The following CHSY1 variants were observed in gnomAD, a reference collection of about 807,000 sequenced individuals.
CHSY1 encodes the protein N-acetylgalactosaminyl-proteoglycan 3-beta-glucuronosyltransferase 1.
CHSY1 carries 13 observed loss-of-function variants against 59.8 expected under a neutral mutation model. The observed-to-expected ratio is 0.22, with a 90% CI of 0.14 to 0.35. The LOEUF (loss-of-function observed/expected upper bound fraction) is 0.35. Ranked by LOEUF, CHSY1 falls within the 10% of genes least tolerant of loss-of-function variation. The pLI is 1.00. For synonymous variants in CHSY1, 459 were observed against 401.2 expected (o/e 1.14, Z -1.72); for missense variants, 947 against 1,030.6 (o/e 0.92, Z 1.11).
Position 101,177,264 on chromosome 15 carries a change from T to A in CHSY1, c.*124A>T. Reference sequence around the variant, plus strand: ...TTCAGAAAGCTCAATCTTAAAGGAGTCCTATGTAAGAAAACCACTTGTAAA... The same window carrying A: ...TTCAGAAAGCTCAATCTTAAAGGAGACCTATGTAAGAAAACCACTTGTAAA... On this transcript the variant is annotated 3_prime_UTR_variant, in exon 3 of 3. Transcript: ENST00000254190. The A allele has an allele frequency of 1.2e-6, 1 of 840,926 alleles. No individual in the cohort carries two copies. Among genetic ancestry groups the A allele is most frequent in the Non-Finnish European group, 1.8e-6 (1 of 553,724 alleles). 52.1% of individuals were successfully genotyped at this position (840,926 alleles called of 1,614,324 possible).
chr15:101,244,907 T>C (rs1451506072), intron 1 of CHSY1, among the ~76,000 whole-genome samples: 1 of 152,214 alleles, frequency 6.6e-6, no homozygotes, highest in African/African-American at 2.4e-5. Context: ...TATGTACACA[T>C]TTAAGCACAC....
chr15:101,199,653 AACTTC>A (rs536699326), intron 2 of CHSY1, among the ~76,000 whole-genome samples: 16 of 152,384 alleles, frequency 1.0e-4, no homozygotes, highest in Non-Finnish European at 1.8e-4. Flanking sequence ...TCTGAAAAGC[AACTTC>A]AAAAATAAAA....
chr15:101,248,164 A>G lies in CHSY1; in HGVS notation c.320+2973T>C, dbSNP rs78764257. ...AACTAGAGTTCTACCTTGTGCTAGA[A>G]GAGTCAAGCTTACTTTTATACTGAA... On this transcript the variant is annotated intron_variant, in intron 1 of 2. Coordinates refer to ENST00000254190, the MANE Select transcript of CHSY1 (RefSeq NM_014918.5). 2.8e-3 allele frequency among the ~76,000 whole-genome samples: 422 copies of G among 152,366 alleles called. 2 individuals are homozygous for G. Among genetic ancestry groups the G allele is most frequent in the African/African-American group, 9.8e-3 (407 of 41,590 alleles).
intron 2 of CHSY1, among the ~76,000 whole-genome samples, chr15:101,218,351 C>T (rs1276082007): frequency 1.3e-5 from 2 of 152,152 alleles, no homozygotes; most frequent in Non-Finnish European, 2.9e-5. Context: ...AATCCCAGCC[C>T]TTTGGGAGGC....
intron 1 of CHSY1, among the ~76,000 whole-genome samples, chr15:101,243,412 A>T (rs1289168887): frequency 6.6e-6 from 1 of 152,210 alleles, no homozygotes; most frequent in Non-Finnish European, 1.5e-5. Context: ...GTTTAATGCA[A>T]ACAATTAAAC....
intron 2 of CHSY1, chr15:101,187,939 C>A (rs2038391534): frequency 1.3e-6 from 1 of 792,202 alleles, no homozygotes; most frequent in South Asian, 5.7e-5. Flanking sequence ...GAACTTCTAG[C>A]CCAGCTGGGA....
At chr15:101,244,217 A>G (rs933030910) in intron 1 of CHSY1, among the ~76,000 whole-genome samples, 5 of 152,190 alleles carry the variant, frequency 3.3e-5, no homozygotes, top group Non-Finnish European at 7.4e-5. Flanking sequence ...GGCCTCAACA[A>G]CAGGTGGAAG....
chr15:101,198,697 A>G (rs2038535556), intron 2 of CHSY1, among the ~76,000 whole-genome samples: 1 of 152,162 alleles, frequency 6.6e-6, no homozygotes, highest in Non-Finnish European at 1.5e-5. Context: ...AAACAGAAAC[A>G]CTTACATCTG....
intron 2 of CHSY1, among the ~76,000 whole-genome samples, chr15:101,185,931 T>C (rs947081975): frequency 6.6e-6 from 1 of 151,890 alleles, no homozygotes; most frequent in African/African-American, 2.4e-5. Flanking sequence ...CCTCATATTA[T>C]GGGCTACGTC....
chr15:101,217,839 C>T (rs566065989), intron 2 of CHSY1, among the ~76,000 whole-genome samples: 3 of 152,252 alleles, frequency 2.0e-5, no homozygotes, highest in South Asian at 2.1e-4. Context: ...ACTCCCCACC[C>T]GTAAGTGTGA....
rs908030078 is a variant in CHSY1 at position 101,176,183 on chromosome 15, C to G, written c.*1205G>C. 7.5e-6 allele frequency: 3 copies of G among 398,454 alleles called. No homozygotes were observed. Among genetic ancestry groups the G allele is most frequent in the Non-Finnish European group, 8.9e-6 (2 of 225,930 alleles). 24.7% of individuals were successfully genotyped at this position (398,454 alleles called of 1,614,324 possible). A position where few individuals can be genotyped will look rare whatever the true frequency, so the allele number is the denominator to read the frequency against. ...TCCCGATACACATAAATAATACTAA[C>G]TAACAGGTACTCAAGAAATGGCAGA... On this transcript the variant is annotated 3_prime_UTR_variant, in exon 3 of 3. Coordinates refer to ENST00000254190, the MANE Select transcript of CHSY1 (RefSeq NM_014918.5).
In CHSY1 at chr15:101,235,477, C is replaced by T. The variant is rs1229453628; in HGVS notation, c.421G>A (p.Asp141Asn). ...GACTTCTTCTGGGGCGGGTAGGAGT[C>T]GTCCACACCCCGTAGTGGCACTACT... ...IPVVPLRGVD[D>N]SYPPQKKSFM... is the part of the protein sequence containing the mutation. Residue 141 changes from aspartate to asparagine, a missense_variant, in exon 2 of 3, where the codon GAC (aspartate) becomes AAC (asparagine). Asp to Asn is a conservative substitution (Grantham distance 23). This residue lies in a region of CHSY1 where 108 missense variants were observed against 144.4 expected (regional missense o/e 0.75). Transcript: ENST00000254190. 1 of 1,614,020 alleles carries T rather than the reference C, an allele frequency of 6.2e-7. No individual in the cohort carries two copies. Among genetic ancestry groups the T allele is most frequent in the Non-Finnish European group, 8.5e-7 (1 of 1,180,024 alleles).
chr15:101,191,005 G>C (rs2141246924), intron 2 of CHSY1, among the ~76,000 whole-genome samples: 1 of 152,190 alleles, frequency 6.6e-6, no homozygotes, highest in East Asian at 1.9e-4. Flanking sequence ...TAGGAAGACA[G>C]TTTGGCAGTT....
In CHSY1 at chr15:101,219,924, G is replaced by A. The variant is rs544306319; in HGVS notation, c.816+15158C>T. On this transcript the variant is annotated intron_variant, in intron 2 of 2. Coordinates refer to ENST00000254190, the MANE Select transcript of CHSY1 (RefSeq NM_014918.5). Reference sequence around the variant, plus strand: ...TGGGATTACAGGCATGTGCCACCACGCCCGGCTAATTTTGTGAGGGGGTTT... The same window carrying A: ...TGGGATTACAGGCATGTGCCACCACACCCGGCTAATTTTGTGAGGGGGTTT... Among the ~76,000 whole-genome samples, 10 of 152,172 alleles carry A rather than the reference G, an allele frequency of 6.6e-5. No individual in the cohort carries two copies. The East Asian group carries it at 1.2e-3, about 18-fold the overall frequency.
Position 101,177,279 on chromosome 15 carries a change from C to G in CHSY1, c.*109G>C. ...CTTAAAGGAGTCCTATGTAAGAAAA[C>G]CACTTGTAAAATATATCCTTGTATA... On this transcript the variant is annotated 3_prime_UTR_variant, in exon 3 of 3. Transcript: ENST00000254190. The G allele has an allele frequency of 2.8e-6, 3 of 1,075,296 alleles. No homozygotes were observed. The highest frequency in any genetic ancestry group is 4.0e-6 in the Non-Finnish European group (3 of 757,908). The allele number at this position is 1,075,296 out of a possible 1,614,324, so 66.6% of individuals were successfully genotyped here. A position where few individuals can be genotyped will look rare whatever the true frequency, so the allele number is the denominator to read the frequency against.
At chr15:101,201,117 G>C (rs368137959) in intron 2 of CHSY1, among the ~76,000 whole-genome samples, 10 of 151,886 alleles carry the variant, frequency 6.6e-5, no homozygotes, top group African/African-American at 2.4e-4. Flanking sequence ...GGGGCGGTGC[G>C]GGGGGAGGTG....
chr15:101,234,405 A>G (rs1160530990), intron 2 of CHSY1, among the ~76,000 whole-genome samples: 1 of 152,214 alleles, frequency 6.6e-6, no homozygotes, highest in Non-Finnish European at 1.5e-5. Context: ...GCCTTTGCAA[A>G]AACAAATAGG....
At chr15:101,207,444 A>G (rs2038638115) in intron 2 of CHSY1, among the ~76,000 whole-genome samples, 1 of 152,232 alleles carries the variant, frequency 6.6e-6, no homozygotes, top group Admixed American at 6.5e-5. Context: ...ACCTTCTAGT[A>G]TGTTATATAA....
At position 101,176,378 on chromosome 15, in the gene CHSY1, A is replaced by G. The variant is rs11433; in HGVS notation, c.*1010T>C. The G allele has an allele frequency of 0.64, 255,956 of 398,396 alleles. 84,987 individuals carry two copies. The highest frequency in any genetic ancestry group is 0.9 in the East Asian group (25,372 of 28,052). 24.7% of individuals were successfully genotyped at this position (398,396 alleles called of 1,614,324 possible). On this transcript the variant is annotated 3_prime_UTR_variant, in exon 3 of 3. Coordinates refer to ENST00000254190, the MANE Select transcript of CHSY1 (RefSeq NM_014918.5). ...CGTTTTGATTAGGGTGTATGTGTGT[A>G]TGTTTCAGTCTGTGTACATCAGATT...
Sources: allele counts gnomAD v4.1 joint callset (sites outside exome capture counted in the v4.1 genomes callset), GRCh38; gene constraint gnomAD v4.1.1; regional missense constraint gnomAD v4.1.1; transcripts MANE v1.5; gene names NCBI Gene and HGNC (gene_info 2026-07-23, HGNC 2026-07-21).